Variants in TNR observed in about 807,000 individuals in gnomAD.
The protein encoded by TNR is tenascin-R.
Under a neutral mutation model 150.4 loss-of-function variants are expected in TNR, and 45 were observed. That is an observed-to-expected ratio of 0.30 (90% confidence interval 0.24 to 0.38). The LOEUF (loss-of-function observed/expected upper bound fraction) is 0.38. TNR is among the 10% of genes least tolerant of loss of function. The pLI is 1.00. For synonymous variants in TNR, 687 were observed against 678.4 expected (o/e 1.01, Z -0.20); for missense variants, 1,544 against 1,759.1 (o/e 0.88, Z 2.19).
At chr1:175,377,537 G>A (rs1652466547) in intron 9 of TNR, among the ~76,000 whole-genome samples, 2 of 149,896 alleles carry the variant, frequency 1.3e-5, no homozygotes, top group Admixed American at 1.3e-4. Flanking sequence ...ATGCCAGCTG[G>A]TCTATCCTTT....
At chr1:175,359,545 A>G (rs1044294313) in intron 15 of TNR, 67 bp downstream of exon 15, 17 of 1,610,812 alleles carry the variant, frequency 1.1e-5, no homozygotes, top group Non-Finnish European at 1.4e-5. Flanking sequence ...TATTCACATC[A>G]TACTGGTCTG....
chr1:175,355,998 C>T lies in TNR; in HGVS notation c.3118+321G>A, dbSNP rs77366571. 1.2e-4 allele frequency among the ~76,000 whole-genome samples: 18 copies of T among 152,288 alleles called. No homozygotes were observed. In the East Asian group the frequency reaches 3.5e-3, roughly 29 times the overall value. On this transcript the variant is annotated intron_variant, in intron 16 of 22. Transcript: ENST00000367674. ...TGTCTACTTTCTCCTATTCATCACT[C>T]TACTCAGCAGCTCTTTCCTAGATAT...
In TNR at chr1:175,396,819, C is replaced by A; in HGVS notation, c.977-12G>T. 1 of 1,608,998 alleles carries A rather than the reference C, an allele frequency of 6.2e-7. No homozygotes were observed. Among genetic ancestry groups the A allele is most frequent in the Non-Finnish European group, 8.5e-7 (1 of 1,176,208 alleles). ...CTCTGGAGGGGCAACTACCGGGAGG[C>A]AATACACAGATAGCATGAGCTCAGA... On this transcript the variant is annotated splice_polypyrimidine_tract_variant and intron_variant, in intron 4 of 22. Coordinates refer to ENST00000367674, the MANE Select transcript of TNR (RefSeq NM_003285.3).
At chr1:175,483,238 G>C (rs952448954) in intron 2 of TNR, among the ~76,000 whole-genome samples, 3 of 152,320 alleles carry the variant, frequency 2.0e-5, no homozygotes, top group South Asian at 4.2e-4. Context: ...ACTGCTATGA[G>C]AGAGGTGCAG....
chr1:175,394,986 G>A (rs1028000477), intron 5 of TNR, among the ~76,000 whole-genome samples: 7 of 152,124 alleles, frequency 4.6e-5, no homozygotes, highest in Admixed American at 4.6e-4. Flanking sequence ...GGGAAAAGCG[G>A]CAGATGGTGA....
chr1:175,561,409 C>T (rs1437699869), intron 1 of TNR, among the ~76,000 whole-genome samples: 3 of 152,180 alleles, frequency 2.0e-5, no homozygotes, highest in Non-Finnish European at 4.4e-5. Flanking sequence ...CCTTCCATGC[C>T]AGCCCCACCT....
intron 1 of TNR, among the ~76,000 whole-genome samples, chr1:175,544,491 G>T (rs957431450): frequency 2.0e-5 from 3 of 152,178 alleles, no homozygotes; most frequent in Non-Finnish European, 4.4e-5. Flanking sequence ...GAGAATAAGG[G>T]AATAGGAAGA....
chr1:175,502,982 G>T (rs1021215501), intron 2 of TNR, among the ~76,000 whole-genome samples: 1 of 152,162 alleles, frequency 6.6e-6, no homozygotes, highest in African/African-American at 2.4e-5. Context: ...GGGTTTGAGT[G>T]CCTGACACAG....
intron 1 of TNR, among the ~76,000 whole-genome samples, chr1:175,535,539 C>A (rs1660243484): frequency 1.3e-5 from 2 of 151,964 alleles, no homozygotes; most frequent in South Asian, 4.1e-4. Flanking sequence ...CGGCTCACTG[C>A]AAGCTCTGCC....
At chr1:175,342,274 G>GT (rs1447611971) in intron 18 of TNR, among the ~76,000 whole-genome samples, 1 of 152,208 alleles carries the variant, frequency 6.6e-6, no homozygotes, top group Admixed American at 6.5e-5. Context: ...AGGGTGAGAA[G>GT]TGGGGGCCCG....
At chr1:175,545,235 G>A (rs748555271) in intron 1 of TNR, among the ~76,000 whole-genome samples, 4 of 152,184 alleles carry the variant, frequency 2.6e-5, no homozygotes, top group Non-Finnish European at 5.9e-5. Context: ...TGACAGAGAG[G>A]TAATTAGGTG....
In TNR at chr1:175,366,124, G is replaced by T; in HGVS notation, c.2068C>A (p.Arg690=). Residue 690 remains arginine (R), a synonymous_variant, in exon 11 of 23, where the codon CGA becomes AGA. Coordinates refer to ENST00000367674, the MANE Select transcript of TNR (RefSeq NM_003285.3). Reference sequence around the variant, plus strand: ...GAGGAGGCTGTCACCATGAGGTCTCGGGGACTGTCAAGTTCTGTGGATTGA... The same window carrying T: ...GAGGAGGCTGTCACCATGAGGTCTCTGGGACTGTCAAGTTCTGTGGATTGA... ...MNARTELDSP[R]DLMVTASSET... is the part of the protein sequence containing the mutation. The T allele has an allele frequency of 6.2e-7, 1 of 1,607,090 alleles. No homozygotes were observed. Among genetic ancestry groups the T allele is most frequent in the Non-Finnish European group, 8.5e-7 (1 of 1,176,112 alleles).
At chr1:175,398,130 A>T (rs932901150) in intron 4 of TNR, among the ~76,000 whole-genome samples, 2 of 152,166 alleles carry the variant, frequency 1.3e-5, no homozygotes, top group African/African-American at 4.8e-5. Context: ...CTGTCTCCTC[A>T]TTGTACTCAC....
intron 2 of TNR, among the ~76,000 whole-genome samples, chr1:175,429,165 T>C (rs1273469974): frequency 2.6e-5 from 4 of 152,194 alleles, no homozygotes; most frequent in Non-Finnish European, 4.4e-5. Context: ...GTTCCTTGTG[T>C]CAAATAAATT....
chr1:175,708,608 G>T lies in TNR; in HGVS notation c.-165+34618C>A, dbSNP rs74129317. ...GCATGGAAGGATCGTGGAAATAAAA[G>T]GATGTGCCTCTGTGCGTGGAGACAG... On this transcript the variant is annotated intron_variant, in intron 1 of 22. Transcript: ENST00000367674. 5.6e-4 allele frequency among the ~76,000 whole-genome samples: 85 copies of T among 152,298 alleles called. 1 individual carries two copies. Among genetic ancestry groups the T allele is most frequent in the African/African-American group, 2.0e-3 (82 of 41,566 alleles).
At chr1:175,698,813 C>A (rs1666604870) in intron 1 of TNR, among the ~76,000 whole-genome samples, 1 of 149,378 alleles carries the variant, frequency 6.7e-6, no homozygotes, top group African/African-American at 2.4e-5. Flanking sequence ...AAAAGTAAGA[C>A]TCTGTCTCAA....
At chr1:175,514,140 C>T (rs1003250023) in intron 2 of TNR, among the ~76,000 whole-genome samples, 13 of 152,160 alleles carry the variant, frequency 8.5e-5, no homozygotes, top group Admixed American at 7.2e-4. Context: ...CATCAGCTGA[C>T]CTTAAAATAG....
intron 14 of TNR, among the ~76,000 whole-genome samples, chr1:175,362,078 G>A (rs963645086): frequency 6.6e-6 from 1 of 152,212 alleles, no homozygotes; most frequent in East Asian, 1.9e-4. Context: ...TGACTAGGGG[G>A]CCTGTCAGAG....
intron 12 of TNR, among the ~76,000 whole-genome samples, chr1:175,364,696 T>C (rs1269557349): frequency 6.6e-6 from 1 of 152,196 alleles, no homozygotes; most frequent in Non-Finnish European, 1.5e-5. Flanking sequence ...TGTAGAGGGA[T>C]TCCTCTTGGA....
Sources: gnomAD v4.1 joint callset for allele counts (sites outside exome capture counted in the v4.1 genomes callset) on GRCh38, gnomAD v4.1.1 for gene constraint, MANE v1.5 for transcripts, NCBI Gene and HGNC (gene_info 2026-07-23, HGNC 2026-07-21) for gene names.